MYBPC2: variants seen among roughly 807,000 people sequenced by gnomAD.
MYBPC2 encodes myosin-binding protein C, fast-type.
MYBPC2 carries 122 observed loss-of-function variants against 137.0 expected under a neutral mutation model. That is an observed-to-expected ratio of 0.89 (90% confidence interval 0.77 to 1.03). The LOEUF (loss-of-function observed/expected upper bound fraction) is 1.03. MYBPC2 is among the 50% of genes least tolerant of loss of function. The pLI is 0.00. For synonymous variants in MYBPC2, 626 were observed against 612.3 expected, an observed-to-expected ratio of 1.02 and a Z score of -0.33; for missense variants, 1,500 against 1,534.4, an observed-to-expected ratio of 0.98 and a Z score of 0.37.
intron 4 of MYBPC2, 120 bp from the exon 5 acceptor site, chr19:50,436,497 T>C (rs998564178): frequency 3.2e-5 from 29 of 912,760 alleles, no homozygotes; most frequent in Admixed American, 3.1e-4. Flanking sequence ...TCGGTCTCCA[T>C]TGGCCCCCCT....
chr19:50,440,685 C>A (rs1211105092), intron 7 of MYBPC2, among the ~76,000 whole-genome samples, 195 bp from the exon 8 acceptor site: 26 of 133,802 alleles, frequency 1.9e-4, no homozygotes, highest in Non-Finnish European at 2.7e-4. Context: ...AACCAAAAAA[C>A]CCAGTGGGGA....
At chr19:50,436,828 G>A in intron 5 of MYBPC2, 94 bp downstream of exon 5, 2 of 1,179,698 alleles carry the variant, frequency 1.7e-6, no homozygotes, top group Non-Finnish European at 2.5e-6. Flanking sequence ...CACAGGCATG[G>A]GCATGAGGTG....
In MYBPC2 at chr19:50,445,897, AACTGACTCGGG is replaced by A; in HGVS notation, c.1153_1163del (p.Leu385GlyfsTer41). On this transcript the variant is annotated frameshift_variant, in exon 12 of 28. Transcript: ENST00000357701. LOFTEE classifies it high-confidence loss of function. ...CCACCTAGGATGAAAGATGGTGTGG[AACTGACTCGGG>A]AGGATTCCTTCAAGGCCCGGTACCG... 1.2e-6 allele frequency: 2 copies of A among 1,608,050 alleles called. No individual in the cohort carries two copies. Among genetic ancestry groups the A allele is most frequent in the Non-Finnish European group, 1.7e-6 (2 of 1,177,314 alleles).
At chr19:50,440,834 C>T (rs1422005286) in intron 7 of MYBPC2, 46 bp from the exon 8 acceptor site, 2 of 1,559,420 alleles carry the variant, frequency 1.3e-6, no homozygotes, top group Admixed American at 1.9e-5. Context: ...GGACATCCTC[C>T]CTTCCTCACT....
chr19:50,451,247 A>C (rs765477910), intron 14 of MYBPC2, 33 bp from the exon 15 acceptor site: 20 of 1,612,950 alleles, frequency 1.2e-5, no homozygotes, highest in Non-Finnish European at 1.7e-5. Flanking sequence ...TGCTGAGTTT[A>C]GACCTAACTG....
In MYBPC2 at chr19:50,449,983, C is replaced by A. The variant is rs1295317712; in HGVS notation, c.1473-846C>A. ...CCAGCCTGGCCAACATGGTGAAACC[C>A]CCATCTCTACAAAAAATACAAAAAT... On this transcript the variant is annotated intron_variant, in intron 13 of 27. Coordinates refer to ENST00000357701, the MANE Select transcript of MYBPC2 (RefSeq NM_004533.4). 4.6e-5 allele frequency among the ~76,000 whole-genome samples: 7 copies of A among 152,078 alleles called. No individual in the cohort carries two copies. The South Asian group carries it at 1.2e-3, about 27-fold the overall frequency.
rs924768127 is a variant in MYBPC2 at position 50,466,032 on chromosome 19, G to A, written c.3416-163G>A. Among the ~76,000 whole-genome samples the A allele has an allele frequency of 2.6e-5, 4 of 152,158 alleles. No individual in the cohort carries two copies. The highest frequency in any genetic ancestry group is 9.7e-5 in the African/African-American group (4 of 41,444). ...GGATCCAAAATACCAGTAATCAGGA[G>A]CACTGTGACTCTGGGTTGTCCAGCC... On this transcript the variant is annotated intron_variant, in intron 27 of 27. Transcript: ENST00000357701. This position sits in a 1 kb window ranked among gnomAD's most constrained non-coding sequence, Gnocchi z 4.9.
At position 50,449,723 on chromosome 19, in the gene MYBPC2, G is replaced by T. The variant is rs73577995; in HGVS notation, c.1473-1106G>T. On this transcript the variant is annotated intron_variant, in intron 13 of 27. Transcript: ENST00000357701. ...CGTGGACACCTAAGACAAACACCTGGTTATCTGCAGAATGCAGAGAGCCAG... is the reference window on the plus strand; with the variant it reads ...CGTGGACACCTAAGACAAACACCTGTTTATCTGCAGAATGCAGAGAGCCAG... Among the ~76,000 whole-genome samples the T allele has an allele frequency of 4.0e-3, 603 of 152,312 alleles. 4 individuals carry two copies. Among genetic ancestry groups the T allele is most frequent in the African/African-American group, 0.014 (572 of 41,562 alleles).
chr19:50,459,021 G>T lies in MYBPC2; in HGVS notation c.2595+15G>T. On this transcript the variant is annotated intron_variant, in intron 22 of 27. Coordinates refer to ENST00000357701, the MANE Select transcript of MYBPC2 (RefSeq NM_004533.4). The stretch of plus-strand genomic sequence containing the variant: ...TCCCCTTCCAGGTCAGGGGAGCGGG[G>T]TCACGGGCCGGGGGTCCGCTCTCGC... The T allele has an allele frequency of 6.2e-7, 1 of 1,600,156 alleles. No individual in the cohort carries two copies. The highest frequency in any genetic ancestry group is 8.5e-7 in the Non-Finnish European group (1 of 1,174,224).
rs1482768446 is a variant in MYBPC2 at position 50,465,198 on chromosome 19, G to T, written c.3415+666G>T. Among the ~76,000 whole-genome samples, 1 of 152,048 alleles carries T rather than the reference G, an allele frequency of 6.6e-6. No individual in the cohort carries two copies. The highest frequency in any genetic ancestry group is 1.9e-4 in the East Asian group (1 of 5,170). On this transcript the variant is annotated intron_variant, in intron 27 of 27. Coordinates refer to ENST00000357701, the MANE Select transcript of MYBPC2 (RefSeq NM_004533.4). The surrounding 1 kb of genome is among the most constrained non-coding windows in gnomAD (Gnocchi z 4.5). ...CCACCGCCCCAGCGCCCCTCCGCCT[G>T]GTGTTCACGGTGGTGTGTCCACCCC...
intron 16 of MYBPC2, among the ~76,000 whole-genome samples, chr19:50,452,280 A>T (rs1296894442): frequency 6.6e-6 from 1 of 152,166 alleles, no homozygotes. Flanking sequence ...CATCCAGCTG[A>T]TGATTTTTTC....
chr19:50,456,596 A>AGCT (rs1568666840), intron 20 of MYBPC2, among the ~76,000 whole-genome samples: 1 of 148,152 alleles, frequency 6.7e-6, no homozygotes, highest in Non-Finnish European at 1.5e-5. Context: ...ATGCCCAGCT[A>AGCT]ATTTTTTTTT....
At position 50,433,772 on chromosome 19, in the gene MYBPC2, C is replaced by A. The variant is rs1238546321; in HGVS notation, c.19+800C>A. The stretch of plus-strand genomic sequence containing the variant: ...CCTCTGGGCAGGGTCTGGGCCACTT[C>A]TCTGAGTGAAGACTCAGAGGGAGCC... On this transcript the variant is annotated intron_variant, in intron 1 of 27. Coordinates refer to ENST00000357701, the MANE Select transcript of MYBPC2 (RefSeq NM_004533.4). Among the ~76,000 whole-genome samples the A allele has an allele frequency of 1.3e-4, 20 of 150,692 alleles. No individual in the cohort carries two copies. The Admixed American group carries it at 1.3e-3, about 10-fold the overall frequency.
rs558883296 is a variant in MYBPC2, at chr19:50,437,617, A to G, written c.513-42A>G. On this transcript the variant is annotated intron_variant, in intron 6 of 27. Coordinates refer to ENST00000357701, the MANE Select transcript of MYBPC2 (RefSeq NM_004533.4). ...GAGGATTGGGGAAGGCAAGGGGTGAATCTGAAGGGTCAAGACTCACATGCC... is the reference window on the plus strand; with the variant it reads ...GAGGATTGGGGAAGGCAAGGGGTGAGTCTGAAGGGTCAAGACTCACATGCC... The G allele has an allele frequency of 5.6e-4, 885 of 1,593,876 alleles. 14 individuals are homozygous for G. In the South Asian group the frequency reaches 9.4e-3, roughly 17 times the overall value.
chr19:50,451,696 G>A (rs1456342679), intron 15 of MYBPC2, among the ~76,000 whole-genome samples, 168 bp from the exon 16 acceptor site: 2 of 150,652 alleles, frequency 1.3e-5, no homozygotes, highest in Non-Finnish European at 3.0e-5. Flanking sequence ...TCTGAGGGAG[G>A]AGGGGTTGGG....
intron 12 of MYBPC2, among the ~76,000 whole-genome samples, chr19:50,446,548 G>A (rs981977169): frequency 4.7e-5 from 7 of 149,892 alleles, no homozygotes; most frequent in Admixed American, 2.0e-4. Flanking sequence ...ACCTGGGCGC[G>A]GTGGCTCACA....
At chr19:50,441,328 G>A (rs2039753290) in intron 8 of MYBPC2, among the ~76,000 whole-genome samples, 1 of 152,156 alleles carries the variant, frequency 6.6e-6, no homozygotes, top group Non-Finnish European at 1.5e-5. Context: ...CATGGCAACA[G>A]CCAGGAGTTA....
intron 13 of MYBPC2, among the ~76,000 whole-genome samples, chr19:50,449,719 C>G (rs1042678116): frequency 3.3e-5 from 5 of 152,304 alleles, no homozygotes; most frequent in Middle Eastern, 6.8e-3. Flanking sequence ...AAGACAAACA[C>G]CTGGTTATCT....
rs370165008 is a variant in MYBPC2, at chr19:50,461,871, C to A, written c.3092-29C>A. On this transcript the variant is annotated intron_variant, in intron 25 of 27. Transcript: ENST00000357701. The stretch of plus-strand genomic sequence containing the variant: ...GTGTCAGGGGAGAATCTAGATCAGT[C>A]GCCTTACGGGTGCATCCTCTCTCCC... The A allele has an allele frequency of 1.4e-5, 23 of 1,587,158 alleles. No homozygotes were observed. The African/African-American group carries it at 1.6e-4, about 11-fold the overall frequency.
Sources: gnomAD v4.1 joint callset for allele counts (sites outside exome capture counted in the v4.1 genomes callset) on GRCh38, gnomAD v4.1.1 for gene constraint, Gnocchi (gnomAD v3.1) non-coding constraint, MANE v1.5 for transcripts, NCBI Gene and HGNC (gene_info 2026-07-23, HGNC 2026-07-21) for gene names.